The following PRKRA variants were observed in gnomAD, a reference collection of about 807,000 sequenced individuals.
PRKRA encodes the protein protein activator of interferon induced protein kinase EIF2AK2, also known as interferon-inducible double-stranded RNA-dependent protein kinase activator A.
A neutral mutation model predicts 32.4 loss-of-function variants in PRKRA; 22 were observed. The ratio of observed to expected loss-of-function variants is 0.68; its 90% confidence interval spans 0.49 to 0.97. The LOEUF (loss-of-function observed/expected upper bound fraction) is 0.97, where lower values mean the gene tolerates loss of function less well. Ranked by LOEUF, PRKRA falls within the 50% of genes least tolerant of loss-of-function variation. PRKRA has a pLI of 0.00. For synonymous variants in PRKRA, 139 were observed against 129.8 expected (o/e 1.07, Z -0.48); for missense variants, 319 against 375.6 (o/e 0.85, Z 1.25).
At chr2:178,437,949 C>T (rs929721112) in intron 6 of PRKRA, among the ~76,000 whole-genome samples, 1 of 152,162 alleles carries the variant, frequency 6.6e-6, no homozygotes, top group Non-Finnish European at 1.5e-5. Context: ...GCAGTCCTCC[C>T]ACCTTAGCCT....
rs115149658 is a variant in PRKRA at position 178,447,962 on chromosome 2, T to A, written c.236-376A>T. Among the ~76,000 whole-genome samples, 1,505 of 152,342 alleles carry A rather than the reference T, an allele frequency of 9.9e-3. 24 individuals are homozygous for A. The highest frequency in any genetic ancestry group is 0.034 in the African/African-American group (1,429 of 41,580). ...TAGTATTTTACTCTTCCTTTATTCC[T>A]GGAGGGGAAATTCTTCTGCAGCAAG... On this transcript the variant is annotated intron_variant, in intron 2 of 7. Coordinates refer to ENST00000325748, the MANE Select transcript of PRKRA (RefSeq NM_003690.5).
Position 178,432,379 on chromosome 2 carries a change from C to T in PRKRA, c.785-125G>A, listed in dbSNP as rs577195572. 2.9e-5 allele frequency: 37 copies of T among 1,272,422 alleles called. No homozygotes were observed. The East Asian group carries it at 5.5e-4, about 19-fold the overall frequency. The allele number at this position is 1,272,422 out of a possible 1,614,324, so 78.8% of individuals were successfully genotyped here. On this transcript the variant is annotated intron_variant, in intron 7 of 7. Transcript: ENST00000325748. ...AGCCTCCATGGTATACTACACCACT[C>T]GCAATCTTTGTTTTGCTTGTACAAA...
At chr2:178,443,454 T>G in intron 4 of PRKRA, 70 bp from the exon 5 acceptor site, 3 of 729,518 alleles carry the variant, frequency 4.1e-6, no homozygotes, top group Non-Finnish European at 6.4e-6. Flanking sequence ...GTTTTCTTAA[T>G]TTTGATCCCA....
chr2:178,450,438 T>TCGGCGG, intron 1 of PRKRA, 27 bp from the exon 2 acceptor site: 2 of 962,114 alleles, frequency 2.1e-6, no homozygotes, highest in Non-Finnish European at 2.8e-6. Context: ...AAGGTGTGCT[T>TCGGCGG]TGCATGCCAA....
intron 2 of PRKRA, 147 bp downstream of exon 2, chr2:178,450,095 C>T (rs1697502926): frequency 9.9e-7 from 1 of 1,009,352 alleles, no homozygotes; most frequent in Non-Finnish European, 1.6e-6. Flanking sequence ...AGCTGAAAAG[C>T]CCTAACGACC....
At chr2:178,441,513 C>T in intron 6 of PRKRA, 97 bp downstream of exon 6, 2 of 754,284 alleles carry the variant, frequency 2.7e-6, no homozygotes, top group South Asian at 1.8e-5. Context: ...CTAAAAATCA[C>T]AACTCTGAAG....
chr2:178,438,461 TTAGCATC>T, intron 6 of PRKRA, among the ~76,000 whole-genome samples: 1 of 152,328 alleles, frequency 6.6e-6, no homozygotes, highest in Admixed American at 6.5e-5. Flanking sequence ...CCTATGTGGA[TTAGCATC>T]TACGCCTGGA....
chr2:178,441,119 G>C lies in PRKRA; in HGVS notation c.609+491C>G, dbSNP rs749311218. Among the ~76,000 whole-genome samples the C allele has an allele frequency of 8.3e-4, 127 of 152,098 alleles. 1 individual carries two copies. The highest frequency in any genetic ancestry group is 2.6e-4 in the Non-Finnish European group (18 of 68,030). On this transcript the variant is annotated intron_variant, in intron 6 of 7. Coordinates refer to ENST00000325748, the MANE Select transcript of PRKRA (RefSeq NM_003690.5). ...GGAATCTGTCTCCAAACCTGTTTTT[G>C]TTGGATGCCTTCTTCTATGTTCCCA...
At chr2:178,434,848 C>T (rs1318920021) in intron 7 of PRKRA, among the ~76,000 whole-genome samples, 3 of 151,842 alleles carry the variant, frequency 2.0e-5, no homozygotes, top group African/African-American at 4.8e-5. Flanking sequence ...TGGCCAGGCA[C>T]GGTGGCTCAC....
At chr2:178,446,985 T>G (rs1697337577) in intron 3 of PRKRA, among the ~76,000 whole-genome samples, 1 of 101,152 alleles carries the variant, frequency 9.9e-6, no homozygotes, top group Admixed American at 1.4e-4. Context: ...AGAGCGAGAC[T>G]CCGTCTCAAA....
At chr2:178,442,175 G>A (rs958398194) in intron 5 of PRKRA, among the ~76,000 whole-genome samples, 1 of 152,116 alleles carries the variant, frequency 6.6e-6, no homozygotes, top group Non-Finnish European at 1.5e-5. Context: ...GTGAGCCACT[G>A]TGCCAGGCCT....
At chr2:178,442,981 GTTTT>G (rs878987181) in intron 5 of PRKRA, among the ~76,000 whole-genome samples, 7 of 152,172 alleles carry the variant, frequency 4.6e-5, no homozygotes, top group South Asian at 2.1e-4. Flanking sequence ...CCAAATTGAG[GTTTT>G]TTAAGTCAGT....
Position 178,450,993 on chromosome 2 carries a change from A to T in PRKRA, c.38T>A (p.Leu13Gln). ...GAAGGTCCCACTGTCCTCGCGCTCC[A>T]GCGGCGGGGCCTCGGCGCGGTGCCT... The part of the protein sequence containing the change: ...QSRHRAEAPP[L>Q]EREDSGTFSL... Residue 13 changes from leucine to glutamine, a missense_variant, in exon 1 of 8, where the codon CTG becomes CAG. Transcript: ENST00000325748. The T allele has an allele frequency of 6.4e-7, 1 of 1,563,216 alleles. No homozygotes were observed. Among genetic ancestry groups the T allele is most frequent in the Non-Finnish European group, 8.6e-7 (1 of 1,159,330 alleles).
intron 1 of PRKRA, chr2:178,450,662 C>T: frequency 7.0e-7 from 1 of 1,433,424 alleles, no homozygotes; most frequent in Non-Finnish European, 9.1e-7. Context: ...AGATTCTCAA[C>T]AGAACAGGGC....
chr2:178,447,466 A>C, intron 3 of PRKRA, 39 bp downstream of exon 3: 1 of 1,282,246 alleles, frequency 7.8e-7, no homozygotes. Context: ...CTCAGCCATG[A>C]TATTTTTGAG....
intron 7 of PRKRA, among the ~76,000 whole-genome samples, chr2:178,435,322 G>T (rs1022036739): frequency 2.7e-4 from 39 of 145,262 alleles, no homozygotes; most frequent in Non-Finnish European, 1.2e-4. Flanking sequence ...GGCAGAGGTT[G>T]CAGTGAGTTG....
Position 178,431,925 on chromosome 2 carries a change from TA to T in PRKRA, c.*171del. 3 of 823,680 alleles carry T rather than the reference TA, an allele frequency of 3.6e-6. No homozygotes were observed. 51.0% of individuals were successfully genotyped at this position (823,680 alleles called of 1,614,324 possible). A position where few individuals can be genotyped will look rare whatever the true frequency, so the allele number is the denominator to read the frequency against. ...TATACTGATACAAAGTTGAAGCCAT[TA>T]AAAAGAGCTTAATAACAACTATGAG... On this transcript the variant is annotated 3_prime_UTR_variant, in exon 8 of 8. Transcript: ENST00000325748.
rs1436017362 is a variant in PRKRA, at chr2:178,451,096, T to G, written c.-66A>C. On this transcript the variant is annotated 5_prime_UTR_variant, in exon 1 of 8. Transcript: ENST00000325748. ...CGGAGCGACGTGCTCGCTCCCCGGG[T>G]CGCTGGTCCCCGGGAGGAGCTCCAG... is the stretch of plus-strand genomic sequence containing the variant. The G allele has an allele frequency of 6.6e-6, 10 of 1,506,046 alleles. No individual in the cohort carries two copies. The highest frequency in any genetic ancestry group is 8.9e-6 in the Non-Finnish European group (10 of 1,126,106). 93.3% of individuals were successfully genotyped at this position (1,506,046 alleles called of 1,614,324 possible). A position where few individuals can be genotyped will look rare whatever the true frequency, so the allele number is the denominator to read the frequency against.
chr2:178,446,790 G>A (rs1437600477), intron 3 of PRKRA, among the ~76,000 whole-genome samples: 4 of 151,916 alleles, frequency 2.6e-5, no homozygotes, highest in Non-Finnish European at 4.4e-5. Context: ...TCAGGAGATC[G>A]AGACCATCCC....
Sources: allele counts gnomAD v4.1 joint callset (sites outside exome capture counted in the v4.1 genomes callset), GRCh38; gene constraint gnomAD v4.1.1; transcripts MANE v1.5; gene names NCBI Gene and HGNC (gene_info 2026-07-23, HGNC 2026-07-21).